The following LY6S variants were observed in gnomAD, a reference collection of about 807,000 sequenced individuals.
The protein encoded by LY6S is lymphocyte antigen 6 family member S.
At chr8:143,070,452 ATAT>A in the LY6S span, among the ~76,000 whole-genome samples, 2 of 51,344 alleles carry the variant, frequency 3.9e-5, 1 homozygote, top group Admixed American at 6.9e-4. Context: ...TATTGTATAT[ATAT>A]ATATATATAA....
At chr8:143,058,670 G>A in the LY6S span, among the ~76,000 whole-genome samples, 3 of 152,248 alleles carry the variant, frequency 2.0e-5, no homozygotes, top group Non-Finnish European at 4.4e-5. Flanking sequence ...ATGCAGTGGA[G>A]GAGTAGAGTC....
chr8:143,042,376 C>T, the LY6S span: 2 of 152,644 alleles, frequency 1.3e-5, no homozygotes, highest in African/African-American at 2.4e-5. Flanking sequence ...TGGTGACCAT[C>T]CAGAGGCTCT....
chr8:143,076,086 T>A, the LY6S span, among the ~76,000 whole-genome samples: 1 of 152,198 alleles, frequency 6.6e-6, no homozygotes, highest in Non-Finnish European at 1.5e-5. Flanking sequence ...CCGGACTCTC[T>A]GGTTCAAGAG....
chr8:143,063,709 T>C, the LY6S span, among the ~76,000 whole-genome samples: 1 of 152,186 alleles, frequency 6.6e-6, no homozygotes, highest in Admixed American at 6.5e-5. Context: ...TAGCGGGAAG[T>C]ACAGTTTCTG....
chr8:143,072,668 G>A, the LY6S span, among the ~76,000 whole-genome samples: 5 of 139,390 alleles, frequency 3.6e-5, no homozygotes, highest in East Asian at 2.2e-4. Context: ...CCTGTTTGAG[G>A]AGACAGCCGT....
At chr8:143,073,329 C>T in the LY6S span, among the ~76,000 whole-genome samples, 18 of 142,550 alleles carry the variant, frequency 1.3e-4, no homozygotes, top group South Asian at 4.1e-3. Flanking sequence ...AGCCGTCATC[C>T]TCGGGGTTCC....
the LY6S span, among the ~76,000 whole-genome samples, chr8:143,072,837 G>T: frequency 7.5e-6 from 1 of 132,852 alleles, no homozygotes; most frequent in African/African-American, 3.0e-5. Flanking sequence ...TCCTGTTTGA[G>T]GAGACAGCCG....
At chr8:143,070,487 ATATTTTTT>A in the LY6S span, among the ~76,000 whole-genome samples, 1 of 84,108 alleles carries the variant, frequency 1.2e-5, no homozygotes, top group Non-Finnish European at 2.0e-5. Context: ...ATATATATAT[ATATTTTTT>A]TTTTTTTTTG....
At chr8:143,050,916 G>A in the LY6S span, among the ~76,000 whole-genome samples, 1 of 152,378 alleles carries the variant, frequency 6.6e-6, no homozygotes, top group African/African-American at 2.4e-5. Context: ...ACCAGGGCCC[G>A]GCTCGGGGTC....
the LY6S span, among the ~76,000 whole-genome samples, chr8:143,042,771 G>A: frequency 6.6e-6 from 1 of 152,170 alleles, no homozygotes; most frequent in African/African-American, 2.4e-5. Flanking sequence ...TTAGTGGCAA[G>A]CTGGATGGAG....
chr8:143,054,468 G>A, the LY6S span, among the ~76,000 whole-genome samples: 6 of 152,084 alleles, frequency 3.9e-5, no homozygotes, highest in Non-Finnish European at 8.8e-5. Flanking sequence ...TTCACTTACA[G>A]GCCAGAAAAT....
chr8:143,065,678 T>C, the LY6S span, among the ~76,000 whole-genome samples: 15 of 152,224 alleles, frequency 9.9e-5, no homozygotes, highest in Non-Finnish European at 1.9e-4. Flanking sequence ...GCCGGAAGAC[T>C]TAATGACTCC....
the LY6S span, among the ~76,000 whole-genome samples, chr8:143,062,423 T>C: frequency 6.6e-6 from 1 of 152,120 alleles, no homozygotes. Flanking sequence ...ATCCCAGCAC[T>C]CTGGGAGGCC....
the LY6S span, among the ~76,000 whole-genome samples, chr8:143,050,716 C>A: frequency 6.6e-6 from 1 of 152,146 alleles, no homozygotes; most frequent in African/African-American, 2.4e-5. Flanking sequence ...ATGGGCCAGG[C>A]CTTCCACAGT....
the LY6S span, chr8:143,057,165 C>T: frequency 2.8e-6 from 1 of 354,310 alleles, no homozygotes; most frequent in Non-Finnish European, 5.6e-6. Context: ...AGAATGTTTC[C>T]AACACCCCCT....
chr8:143,043,620 G>A, the LY6S span, among the ~76,000 whole-genome samples: 2 of 152,190 alleles, frequency 1.3e-5, no homozygotes, highest in Non-Finnish European at 2.9e-5. Context: ...GGGCTGTGGA[G>A]GGGAGCTGGG....
chr8:143,066,972 G>A, the LY6S span, among the ~76,000 whole-genome samples: 1 of 152,218 alleles, frequency 6.6e-6, no homozygotes, highest in African/African-American at 2.4e-5. Flanking sequence ...CTCTGGAAGT[G>A]TAATCCCCAG....
chr8:143,068,295 G>A, the LY6S span, among the ~76,000 whole-genome samples: 7 of 152,186 alleles, frequency 4.6e-5, no homozygotes, highest in Admixed American at 2.0e-4. Context: ...TGATTCAATA[G>A]AGCATATGTT....
At chr8:143,052,688 AATTAAGTATC>A in the LY6S span, among the ~76,000 whole-genome samples, 1 of 152,126 alleles carries the variant, frequency 6.6e-6, no homozygotes, top group Non-Finnish European at 1.5e-5. Flanking sequence ...GAGCTTTGGG[AATTAAGTATC>A]GTCTCCGCTC....
Sources: gnomAD v4.1 joint callset for allele counts (sites outside exome capture counted in the v4.1 genomes callset) on GRCh38, gnomAD v4.1.1 for gene constraint, MANE v1.5 for transcripts, NCBI Gene and HGNC (gene_info 2026-07-23, HGNC 2026-07-21) for gene names.